The following FMNL1 variants were observed in gnomAD, a reference collection of about 807,000 sequenced individuals.
FMNL1 encodes the protein formin-like protein 1.
A neutral mutation model predicts 121.3 loss-of-function variants in FMNL1; 43 were observed. The ratio of observed to expected loss-of-function variants is 0.35; its 90% CI spans 0.28 to 0.46. The LOEUF (loss-of-function observed/expected upper bound fraction) is 0.46, where lower values mean the gene tolerates loss of function less well. Among genes scored for constraint, FMNL1 ranks in the 20% least tolerant of loss-of-function variants. The pLI, the probability that FMNL1 is intolerant of heterozygous loss-of-function variation, is 1.00. For synonymous variants in FMNL1, 613 were observed against 613.5 expected (o/e 1.00, Z 0.01); for missense variants, 1,191 against 1,482.4 (o/e 0.80, Z 3.23).
Position 45,244,870 on chromosome 17 carries a change from T to C in FMNL1, c.2569T>C (p.Tyr857His). 1 of 1,613,894 alleles carries C rather than the reference T, an allele frequency of 6.2e-7. No individual in the cohort carries two copies. Among genetic ancestry groups the C allele is most frequent in the Non-Finnish European group, 8.5e-7 (1 of 1,179,898 alleles). Residue 857 changes from tyrosine (Y) to histidine (H), a missense_variant, in exon 20 of 27, where the codon TAT (tyrosine) becomes CAT (histidine). Coordinates refer to ENST00000331495, the MANE Select transcript of FMNL1 (RefSeq NM_005892.4). ...GAACAGTAGCAAGCGTGGGGCAGCCTATGGCTTCCGGCTCCAGAGCCTGGA... is the reference window on the plus strand; with the variant it reads ...GAACAGTAGCAAGCGTGGGGCAGCCCATGGCTTCCGGCTCCAGAGCCTGGA... ...YMNSSKRGAA[Y>H]GFRLQSLDAL...
rs963600945 is a variant in FMNL1, at chr17:45,240,514, G to A, written c.1119G>A (p.Gln373=). The A allele has an allele frequency of 6.2e-7, 1 of 1,613,798 alleles. No homozygotes were observed. Among genetic ancestry groups the A allele is most frequent in the Non-Finnish European group, 8.5e-7 (1 of 1,179,914 alleles). The change falls in exon 12 of 27, where the codon CAG becomes CAA. Residue 373 remains glutamine (Q), a synonymous_variant. Coordinates refer to ENST00000331495, the MANE Select transcript of FMNL1 (RefSeq NM_005892.4). ...RLTESDKLQV[Q]IQAYLDNIFD... The stretch of plus-strand genomic sequence containing the variant: ...CCGAGAGTGACAAGCTGCAGGTGCA[G>A]ATCCAGGCGTACCTGGACAATATTT...
In FMNL1 at chr17:45,237,592, C is replaced by T. The variant is rs138651184; in HGVS notation, c.847C>T (p.Arg283Trp). 1.8e-5 allele frequency: 29 copies of T among 1,614,006 alleles called. No homozygotes were observed. Among genetic ancestry groups the T allele is most frequent in the Non-Finnish European group, 2.4e-5 (28 of 1,180,022 alleles). Residue 283 changes from arginine (R) to tryptophan (W), a missense_variant, in exon 9 of 27, where the codon CGG becomes TGG. This residue lies in a region of FMNL1 where 253 missense variants were observed against 417.5 expected (regional missense o/e 0.61). Transcript: ENST00000331495. The surrounding 1 kb of genome is among the most constrained non-coding windows in gnomAD (Gnocchi z 4.4). ...LELLAAVCLVRGGHDIILAAF... is the reference protein window; with the variant it reads ...LELLAAVCLVWGGHDIILAAF... ...GCTGCTGGCGGCCGTGTGCTTGGTGCGGGGAGGACATGACATCATCCTTGC... is the reference window on the plus strand; with the variant it reads ...GCTGCTGGCGGCCGTGTGCTTGGTGTGGGGAGGACATGACATCATCCTTGC...
rs115932310 is a variant in FMNL1, at chr17:45,231,858, G to A, written c.214-509G>A. Among the ~76,000 whole-genome samples, 625 of 152,284 alleles carry A rather than the reference G, an allele frequency of 4.1e-3. 4 individuals are homozygous for A. Among genetic ancestry groups the A allele is most frequent in the Middle Eastern group, 0.024 (7 of 294 alleles). On this transcript the variant is annotated intron_variant, in intron 2 of 26. Transcript: ENST00000331495. The surrounding 1 kb of genome is among the most constrained non-coding windows in gnomAD (Gnocchi z 4.7). The stretch of plus-strand genomic sequence containing the variant: ...GTATGCCAGCTCTGGTCCAGGGAGG[G>A]CACCACCTGCTGGCTAGACTGAGTT...
chr17:45,229,982 C>G (rs1399918648), intron 1 of FMNL1, among the ~76,000 whole-genome samples: 2 of 152,240 alleles, frequency 1.3e-5, no homozygotes, highest in South Asian at 2.1e-4. Context: ...TCAGCTCCCC[C>G]AGCCCTCTCC....
At chr17:45,244,670 C>A in intron 19 of FMNL1, 149 bp from the exon 20 acceptor site, 1 of 782,654 alleles carries the variant, frequency 1.3e-6, no homozygotes, top group Non-Finnish European at 2.1e-6. Flanking sequence ...TGTACATGTG[C>A]TGTGGATCTG....
chr17:45,240,864 C>A, intron 12 of FMNL1: 1 of 726,100 alleles, frequency 1.4e-6, no homozygotes, highest in Non-Finnish European at 2.2e-6. Flanking sequence ...CAGGCTCAGA[C>A]CCCAGGTGAA....
Position 45,230,362 on chromosome 17 carries a change from C to T in FMNL1, c.130-242C>T, listed in dbSNP as rs150333669. On this transcript the variant is annotated intron_variant, in intron 1 of 26. Transcript: ENST00000331495. ...GGAGGCGGTGTGGGGGGTGACACAG[C>T]GCAGGCAGACTCGGATTCAAATCCT... is the stretch of plus-strand genomic sequence containing the variant. Among the ~76,000 whole-genome samples the T allele has an allele frequency of 7.2e-3, 1,089 of 152,272 alleles. 15 individuals are homozygous for T. Among genetic ancestry groups the T allele is most frequent in the Middle Eastern group, 0.058 (17 of 294 alleles).
At chr17:45,239,859 G>A (rs1255172350) in intron 11 of FMNL1, among the ~76,000 whole-genome samples, 1 of 149,948 alleles carries the variant, frequency 6.7e-6, no homozygotes, top group Middle Eastern at 3.2e-3. Context: ...GCAGTGACAC[G>A]ATCTTGGCTC....
chr17:45,241,368 C>T lies in FMNL1; in HGVS notation c.1333-14C>T, dbSNP rs2043687883. The T allele has an allele frequency of 6.3e-7, 1 of 1,575,260 alleles. No individual in the cohort carries two copies. On this transcript the variant is annotated splice_polypyrimidine_tract_variant and intron_variant, in intron 13 of 26. Coordinates refer to ENST00000331495, the MANE Select transcript of FMNL1 (RefSeq NM_005892.4). The surrounding 1 kb of genome is among the most constrained non-coding windows in gnomAD (Gnocchi z 7.0). Reference sequence around the variant, plus strand: ...CCTGCTGGTGGGCACTGACCCCTCCCGTGGGGTTCGTAGGAGCGCTTCAGC... The same window carrying T: ...CCTGCTGGTGGGCACTGACCCCTCCTGTGGGGTTCGTAGGAGCGCTTCAGC...
At position 45,242,989 on chromosome 17, in the gene FMNL1, A is replaced by G. The variant is rs1354090730; in HGVS notation, c.2011-129A>G. ...GTGCCTCCCATCAGGGCCTGTGGTCAGGCTGGGTTACTGGTTCTCTGCTGG... is the reference window on the plus strand; with the variant it reads ...GTGCCTCCCATCAGGGCCTGTGGTCGGGCTGGGTTACTGGTTCTCTGCTGG... On this transcript the variant is annotated intron_variant, in intron 16 of 26. Transcript: ENST00000331495. The G allele has an allele frequency of 7.0e-6, 7 of 995,178 alleles. No individual in the cohort carries two copies. The Admixed American group carries it at 8.6e-5, about 12-fold the overall frequency. The allele number at this position is 995,178 out of a possible 1,614,324, so 61.6% of individuals were successfully genotyped here. A position where few individuals can be genotyped will look rare whatever the true frequency, so the allele number is the denominator to read the frequency against.
chr17:45,246,448 G>A (rs765699159), intron 25 of FMNL1, 57 bp from the exon 26 acceptor site: 2 of 1,613,590 alleles, frequency 1.2e-6, no homozygotes, highest in Non-Finnish European at 1.7e-6. Context: ...TACCTTTTCT[G>A]TTTTTCTTTC....
At chr17:45,242,305 C>G in intron 15 of FMNL1, 36 bp from the exon 16 acceptor site, 1 of 1,609,576 alleles carries the variant, frequency 6.2e-7, no homozygotes, top group Non-Finnish European at 8.5e-7. Context: ...AGTAGTACCC[C>G]CAGTGCTCAC....
At position 45,233,899 on chromosome 17, in the gene FMNL1, A is replaced by C; in HGVS notation, c.485+168A>C. 6.1e-6 allele frequency: 8 copies of C among 1,316,200 alleles called. No homozygotes were observed. Among genetic ancestry groups the C allele is most frequent in the Non-Finnish European group, 8.2e-6 (8 of 971,186 alleles). The allele number at this position is 1,316,200 out of a possible 1,614,324, so 81.5% of individuals were successfully genotyped here. A position where few individuals can be genotyped will look rare whatever the true frequency, so the allele number is the denominator to read the frequency against. ...TCCTTCCAGAAGGCCTGCCCCCGAC[A>C]GGGAGGGGTGGCCTCTCTTCCACCA... On this transcript the variant is annotated intron_variant, in intron 5 of 26. Coordinates refer to ENST00000331495, the MANE Select transcript of FMNL1 (RefSeq NM_005892.4). This position sits in a 1 kb window ranked among gnomAD's most constrained non-coding sequence, Gnocchi z 4.1.
At chr17:45,244,921 G>A (rs2043794380) in intron 20 of FMNL1, 22 bp downstream of exon 20, 3 of 1,612,830 alleles carry the variant, frequency 1.9e-6, no homozygotes, top group South Asian at 2.2e-5. Context: ...CCCCTGGCTT[G>A]GGGACTGGGG....
Position 45,238,256 on chromosome 17 carries a change from A to G in FMNL1, c.895-308A>G, listed in dbSNP as rs8069892. 4.1e-3 allele frequency: 1,298 copies of G among 314,366 alleles called. 16 individuals carry two copies. Among genetic ancestry groups the G allele is most frequent in the African/African-American group, 0.026 (1,230 of 46,562 alleles). 19.5% of individuals were successfully genotyped at this position (314,366 alleles called of 1,614,324 possible). ...TGGTCAGGGAAGGCCTCACTGAGCA[A>G]GTGAGATTTCAGCAAAGCTGTGAAG... On this transcript the variant is annotated intron_variant, in intron 9 of 26. Coordinates refer to ENST00000331495, the MANE Select transcript of FMNL1 (RefSeq NM_005892.4).
chr17:45,243,787 A>G lies in FMNL1; in HGVS notation c.2214-4A>G. 1 of 1,605,204 alleles carries G rather than the reference A, an allele frequency of 6.2e-7. No homozygotes were observed. On this transcript the variant is annotated splice_polypyrimidine_tract_variant and splice_region_variant and intron_variant, in intron 17 of 26. Coordinates refer to ENST00000331495, the MANE Select transcript of FMNL1 (RefSeq NM_005892.4). ...CCCAATCTCCCCTCTCCTCCCTCTC[A>G]CAGGTACGACCTGCAGGCTCTGGGC... is the stretch of plus-strand genomic sequence containing the variant.
At chr17:45,225,572 C>T (rs931282626) in intron 1 of FMNL1, among the ~76,000 whole-genome samples, 13 of 152,184 alleles carry the variant, frequency 8.5e-5, no homozygotes, top group African/African-American at 3.1e-4. Flanking sequence ...GCATGATTCA[C>T]AGTGACATCT....
At chr17:45,224,425 T>G (rs1485229183) in intron 1 of FMNL1, among the ~76,000 whole-genome samples, 3 of 152,170 alleles carry the variant, frequency 2.0e-5, no homozygotes, top group African/African-American at 7.2e-5. Context: ...CCTCGGTCAG[T>G]GTCTAAGAGG....
At chr17:45,228,572 C>T (rs565336561) in intron 1 of FMNL1, among the ~76,000 whole-genome samples, 21 of 152,328 alleles carry the variant, frequency 1.4e-4, no homozygotes, top group African/African-American at 5.1e-4. Context: ...GTGCCAGTGA[C>T]GGCAGTGAGG....
Sources: gnomAD v4.1 joint callset for allele counts (sites outside exome capture counted in the v4.1 genomes callset) on GRCh38, gnomAD v4.1.1 for gene constraint, gnomAD v4.1.1 regional missense constraint, Gnocchi (gnomAD v3.1) non-coding constraint, MANE v1.5 for transcripts, NCBI Gene and HGNC (gene_info 2026-07-23, HGNC 2026-07-21) for gene names.